COL28A1: variants seen among roughly 807,000 people sequenced by gnomAD.
The protein encoded by COL28A1 is collagen type XXVIII alpha 1 chain.
COL28A1 carries 161 observed loss-of-function variants against 150.2 expected under a neutral mutation model. The ratio of observed to expected loss-of-function variants is 1.07; its 90% CI spans 0.94 to 1.22. The LOEUF (loss-of-function observed/expected upper bound fraction) is 1.22. COL28A1 is among the 50% of genes most tolerant of loss of function. The pLI is 0.00. For missense variants in COL28A1, 1,617 were observed against 1,388.3 expected (o/e 1.16, Z -2.62); for synonymous variants, 552 against 469.7 (o/e 1.18, Z -2.26).
chr7:7,531,343 C>A lies in COL28A1; in HGVS notation c.681+5G>T. 1.5e-6 allele frequency: 2 copies of A among 1,303,940 alleles called. No homozygotes were observed. The highest frequency in any genetic ancestry group is 2.2e-6 in the Non-Finnish European group (2 of 928,172). 80.8% of individuals were successfully genotyped at this position (1,303,940 alleles called of 1,614,324 possible). A position where few individuals can be genotyped will look rare whatever the true frequency, so the allele number is the denominator to read the frequency against. ...AACTGTATAATCAACCCATTAGGTA[C>A]CTACCAGACGATCTTGAATTTTATC... On this transcript the variant is annotated splice_donor_5th_base_variant and intron_variant, in intron 3 of 34. Transcript: ENST00000399429.
At chr7:7,527,390 C>T (rs1277464013) in intron 3 of COL28A1, among the ~76,000 whole-genome samples, 1 of 152,308 alleles carries the variant, frequency 6.6e-6, no homozygotes, top group East Asian at 1.9e-4. Context: ...TGCAAAGGAC[C>T]ACCCATTGAT....
intron 33 of COL28A1, among the ~76,000 whole-genome samples, chr7:7,366,955 A>G (rs963252249): frequency 2.6e-4 from 40 of 152,216 alleles, no homozygotes; most frequent in African/African-American, 9.7e-4. Context: ...GTGTGTATGT[A>G]TATACTATGT....
At chr7:7,507,043 G>T in intron 10 of COL28A1, 74 bp downstream of exon 10, 1 of 782,112 alleles carries the variant, frequency 1.3e-6, no homozygotes, top group African/African-American at 1.7e-5. Context: ...GAGGGTGCAA[G>T]TGGGCAAGGG....
At chr7:7,472,368 C>T (rs1267308415) in intron 15 of COL28A1, among the ~76,000 whole-genome samples, 2 of 151,982 alleles carry the variant, frequency 1.3e-5, no homozygotes, top group Non-Finnish European at 2.9e-5. Context: ...CTCTTCTATA[C>T]ACCAACAGCA....
intron 25 of COL28A1, among the ~76,000 whole-genome samples, chr7:7,427,937 C>T (rs1784736745): frequency 6.6e-6 from 1 of 152,088 alleles, no homozygotes; most frequent in Non-Finnish European, 1.5e-5. Context: ...ATTTATTCAT[C>T]CATTTAGTTT....
At chr7:7,422,692 T>C (rs1388707384) in intron 25 of COL28A1, among the ~76,000 whole-genome samples, 1 of 151,682 alleles carries the variant, frequency 6.6e-6, no homozygotes, top group East Asian at 1.9e-4. Flanking sequence ...TGTGATACAT[T>C]AGAGAATACA....
chr7:7,447,826 G>A (rs1786379357), intron 18 of COL28A1, among the ~76,000 whole-genome samples: 1 of 152,042 alleles, frequency 6.6e-6, no homozygotes, highest in Admixed American at 6.6e-5. Flanking sequence ...GAAAAAGAAT[G>A]AGCAGAGCAC....
chr7:7,373,154 C>A lies in COL28A1; in HGVS notation c.2752G>T (p.Val918Leu). 1 of 1,614,234 alleles carries A rather than the reference C, an allele frequency of 6.2e-7. No individual in the cohort carries two copies. The highest frequency in any genetic ancestry group is 8.5e-7 in the Non-Finnish European group (1 of 1,180,042). The part of the protein sequence containing the change: ...DSRDKEKLTE[V>L]VKNASDTNVE... ...TTGGTGTCACTGGCATTCTTCACCA[C>A]CTCTGTCAGTTTCTCTTTATCACGA... Residue 918 changes from valine (V) to leucine (L), a missense_variant, in exon 32 of 35, where the codon GTG (valine) becomes TTG (leucine). By Grantham distance (32) the Val-to-Leu change is conservative. Coordinates refer to ENST00000399429, the MANE Select transcript of COL28A1 (RefSeq NM_001037763.3). The surrounding 1 kb of genome is among the most constrained non-coding windows in gnomAD (Gnocchi z 4.1).
chr7:7,432,687 G>C lies in COL28A1; in HGVS notation c.1874C>G (p.Pro625Arg), dbSNP rs762134569. 1.2e-6 allele frequency: 2 copies of C among 1,613,696 alleles called. No homozygotes were observed. Among genetic ancestry groups the C allele is most frequent in the South Asian group, 1.1e-5 (1 of 91,060 alleles). Residue 625 changes from proline to arginine, a missense_variant, in exon 24 of 35, where the codon CCT becomes CGT. Coordinates refer to ENST00000399429, the MANE Select transcript of COL28A1 (RefSeq NM_001037763.3). ...SIRGPKGVQG[P>R]RGPVGAPGLK... ...TCCTGGAGCACCCACTGGTCCCCGA[G>C]GGCCTTGGACACCCTGGGTAAATTC...
chr7:7,338,377 T>C, the COL28A1 span, among the ~76,000 whole-genome samples: 1 of 152,126 alleles, frequency 6.6e-6, no homozygotes, highest in East Asian at 1.9e-4. Context: ...CTGTCAGCAC[T>C]GTTTTGTCGT....
chr7:7,529,289 CA>C (rs5882129), intron 3 of COL28A1, among the ~76,000 whole-genome samples: 40,286 of 127,012 alleles, frequency 0.32, 6,631 homozygotes, highest in African/African-American at 0.52. Context: ...AACTCTGTCT[CA>C]AAAAAAAAAA....
At chr7:7,422,368 C>T (rs1784422628) in intron 25 of COL28A1, among the ~76,000 whole-genome samples, 1 of 152,172 alleles carries the variant, frequency 6.6e-6, no homozygotes, top group African/African-American at 2.4e-5. Flanking sequence ...CAGTGGCTTA[C>T]ACCTGTAATC....
chr7:7,543,765 G>C, the COL28A1 span, among the ~76,000 whole-genome samples: 2 of 151,066 alleles, frequency 1.3e-5, no homozygotes, highest in Admixed American at 6.7e-5. Context: ...TTATTTACTT[G>C]TAAGTTAAAT....
intron 15 of COL28A1, among the ~76,000 whole-genome samples, chr7:7,461,540 T>C (rs761583027): frequency 6.6e-6 from 1 of 152,094 alleles, no homozygotes; most frequent in Non-Finnish European, 1.5e-5. Context: ...TCAGTGTTGT[T>C]GGGAGGGCAC....
intron 9 of COL28A1, among the ~76,000 whole-genome samples, chr7:7,507,947 T>A (rs1362363975): frequency 1.3e-5 from 2 of 152,126 alleles, no homozygotes; most frequent in Non-Finnish European, 2.9e-5. Flanking sequence ...AAAAATATTT[T>A]TCCGGCCAGG....
upstream of COL28A1, among the ~76,000 whole-genome samples, chr7:7,537,164 T>G (rs1473763762): frequency 6.6e-6 from 1 of 152,158 alleles, no homozygotes; most frequent in Non-Finnish European, 1.5e-5. Context: ...AGGGTCACGG[T>G]TGACCAGATC....
Position 7,373,681 on chromosome 7 carries a change from T to C in COL28A1, c.2360-135A>G, listed in dbSNP as rs1382540850. 1 of 710,700 alleles carries C rather than the reference T, an allele frequency of 1.4e-6. No homozygotes were observed. The highest frequency in any genetic ancestry group is 2.3e-6 in the Non-Finnish European group (1 of 438,388). The allele number at this position is 710,700 out of a possible 1,614,324, so 44.0% of individuals were successfully genotyped here. A position where few individuals can be genotyped will look rare whatever the true frequency, so the allele number is the denominator to read the frequency against. ...CCTTTTCTGTGATTGTGAAAATACCTGACAGCTGTCTCCATTCTGGTTTCT... is the reference window on the plus strand; with the variant it reads ...CCTTTTCTGTGATTGTGAAAATACCCGACAGCTGTCTCCATTCTGGTTTCT... On this transcript the variant is annotated intron_variant, in intron 31 of 34. Transcript: ENST00000399429. The surrounding 1 kb of genome is among the most constrained non-coding windows in gnomAD (Gnocchi z 4.1).
At position 7,521,890 on chromosome 7, in the gene COL28A1, T is replaced by A; in HGVS notation, c.759+15A>T. 1.0e-6 allele frequency: 1 copy of A among 967,738 alleles called. No homozygotes were observed. Among genetic ancestry groups the A allele is most frequent in the Non-Finnish European group, 1.7e-6 (1 of 588,814 alleles). 59.9% of individuals were successfully genotyped at this position (967,738 alleles called of 1,614,324 possible). On this transcript the variant is annotated intron_variant, in intron 5 of 34. Transcript: ENST00000399429. The stretch of plus-strand genomic sequence containing the variant: ...AGGACTTTCTGACTTAAGTTCAAAG[T>A]GGAAGTATACTCACAGGAGGCCCTG...
At chr7:7,481,170 T>G (rs2128359869) in intron 13 of COL28A1, among the ~76,000 whole-genome samples, 1 of 152,352 alleles carries the variant, frequency 6.6e-6, no homozygotes, top group East Asian at 1.9e-4. Flanking sequence ...GAATCTTCCT[T>G]CATTCTCTGC....
Sources: allele counts gnomAD v4.1 joint callset (sites outside exome capture counted in the v4.1 genomes callset), GRCh38; gene constraint gnomAD v4.1.1; non-coding constraint Gnocchi (gnomAD v3.1); transcripts MANE v1.5; gene names NCBI Gene and HGNC (gene_info 2026-07-23, HGNC 2026-07-21).